Variants in GSG1L observed in about 807,000 individuals in gnomAD.
GSG1L encodes the protein germ cell-specific gene 1-like protein.
A neutral mutation model predicts 42.1 loss-of-function variants in GSG1L; 24 were observed. That is an observed-to-expected ratio of 0.57 (90% CI 0.41 to 0.80). The LOEUF is 0.80. GSG1L is among the 30% of genes least tolerant of loss of function. The pLI, the probability that GSG1L is intolerant of heterozygous loss-of-function variation, is 0.00. For missense variants in GSG1L, 445 were observed against 472.2 expected (o/e 0.94, Z 0.53); for synonymous variants, 215 against 203.5 (o/e 1.06, Z -0.48).
chr16:27,961,085 C>T lies in GSG1L; in HGVS notation c.397+2071G>A, dbSNP rs193187805. On this transcript the variant is annotated intron_variant, in intron 2 of 6. Coordinates refer to ENST00000447459, the MANE Select transcript of GSG1L (RefSeq NM_001109763.2). ...CACGCACTCACATGGGCACACAACC[C>T]GTATGTGCTCACCCTAGAACACACC... Among the ~76,000 whole-genome samples the T allele has an allele frequency of 2.2e-3, 331 of 152,298 alleles. 1 individual carries two copies. The highest frequency in any genetic ancestry group is 0.014 in the Middle Eastern group (4 of 294).
chr16:27,963,799 C>T (rs1034074156), intron 1 of GSG1L, among the ~76,000 whole-genome samples: 28 of 152,084 alleles, frequency 1.8e-4, no homozygotes, highest in African/African-American at 6.3e-4. Context: ...AACATGCTCC[C>T]GCTGTTGTAA....
In GSG1L at chr16:27,803,800, G is replaced by GATATATAGAT. The variant is rs1406574562; in HGVS notation, c.898+3686_898+3687insATCTATATAT. Among the ~76,000 whole-genome samples, 213 of 74,152 alleles carry GATATATAGAT rather than the reference G, an allele frequency of 2.9e-3. 1 individual carries two copies. Among genetic ancestry groups the GATATATAGAT allele is most frequent in the African/African-American group, 0.01 (192 of 19,142 alleles). The allele number at this position is 74,152 out of a possible 152,430, so 48.6% of individuals were successfully genotyped here. A position where few individuals can be genotyped will look rare whatever the true frequency, so the allele number is the denominator to read the frequency against. ...ATATATATATATATATATATAGATA[G>GATATATAGAT]ATAGATATAGATATAGATATAGATA... is the stretch of plus-strand genomic sequence containing the variant. On this transcript the variant is annotated intron_variant, in intron 6 of 6. Coordinates refer to ENST00000447459, the MANE Select transcript of GSG1L (RefSeq NM_001109763.2).
intron 1 of GSG1L, among the ~76,000 whole-genome samples, chr16:28,048,877 A>T (rs962243843): frequency 2.0e-5 from 3 of 152,310 alleles, no homozygotes; most frequent in African/African-American, 4.8e-5. Flanking sequence ...TCAGAAAATT[A>T]AAAAAACAGA....
At chr16:28,053,548 G>A (rs1392715057) in intron 1 of GSG1L, among the ~76,000 whole-genome samples, 1 of 152,188 alleles carries the variant, frequency 6.6e-6, no homozygotes, top group Non-Finnish European at 1.5e-5. Flanking sequence ...CTCCCCCGGG[G>A]CTGAGGCCTC....
intron 2 of GSG1L, among the ~76,000 whole-genome samples, chr16:27,935,335 T>C (rs1420929813): frequency 6.6e-6 from 1 of 151,490 alleles, no homozygotes; most frequent in Non-Finnish European, 1.5e-5. Context: ...AATGGGGGGC[T>C]TCAGAGTCAA....
intron 2 of GSG1L, among the ~76,000 whole-genome samples, chr16:27,923,513 G>A (rs2084551667): frequency 6.6e-6 from 1 of 152,206 alleles, no homozygotes; most frequent in African/African-American, 2.4e-5. Flanking sequence ...GGGAGACTGA[G>A]GCAGGCAGAT....
chr16:28,033,677 T>G (rs903477605), intron 1 of GSG1L, among the ~76,000 whole-genome samples: 1 of 152,078 alleles, frequency 6.6e-6, no homozygotes, highest in African/African-American at 2.4e-5. Context: ...TGTATTAAAC[T>G]GTAAGGAAAC....
intron 1 of GSG1L, among the ~76,000 whole-genome samples, chr16:28,032,263 A>G (rs1333260202): frequency 6.6e-6 from 1 of 152,230 alleles, no homozygotes; most frequent in Non-Finnish European, 1.5e-5. Context: ...AGGTAAAGCC[A>G]CTGAAACAAG....
chr16:27,799,360 T>G (rs2082856962), intron 6 of GSG1L, among the ~76,000 whole-genome samples: 1 of 151,740 alleles, frequency 6.6e-6, no homozygotes, highest in Non-Finnish European at 1.5e-5. Flanking sequence ...ATAGCAAGAC[T>G]CCATCTCTAC....
chr16:27,966,942 C>G (rs1228179158), intron 1 of GSG1L, among the ~76,000 whole-genome samples: 1 of 152,134 alleles, frequency 6.6e-6, no homozygotes, highest in Non-Finnish European at 1.5e-5. Flanking sequence ...CACCTGAAAG[C>G]TCTCTGGTTT....
intron 2 of GSG1L, among the ~76,000 whole-genome samples, chr16:27,953,806 G>A (rs1174434401): frequency 3.3e-5 from 5 of 152,142 alleles, no homozygotes; most frequent in Non-Finnish European, 5.9e-5. Context: ...TGGTACCCAG[G>A]AGGCAGAGGC....
chr16:27,940,793 T>C (rs1362617878), intron 2 of GSG1L, among the ~76,000 whole-genome samples: 12 of 150,800 alleles, frequency 8.0e-5, no homozygotes, highest in Admixed American at 7.3e-4. Flanking sequence ...GCATGGCACA[T>C]GTATGCAGAT....
In GSG1L at chr16:27,828,847, C is replaced by G; in HGVS notation, c.772G>C (p.Gly258Arg). Reference sequence around the variant, plus strand: ...ATGAAGGTCGGCTCTTCCCGGTAGCCCTGCTCAAAGACCTTGCGCTTGTGC... The same window carrying G: ...ATGAAGGTCGGCTCTTCCCGGTAGCGCTGCTCAAAGACCTTGCGCTTGTGC... Reference protein sequence around the residue: ...FRHKRKVFEQGYREEPTFIDP... With the variant: ...FRHKRKVFEQRYREEPTFIDP... Residue 258 changes from glycine (G) to arginine (R), a missense_variant, in exon 5 of 7, where the codon GGC becomes CGC. Transcript: ENST00000447459. The G allele has an allele frequency of 6.2e-7, 1 of 1,614,172 alleles. No homozygotes were observed. The highest frequency in any genetic ancestry group is 1.1e-5 in the South Asian group (1 of 91,074).
At position 28,059,918 on chromosome 16, in the gene GSG1L, T is replaced by TG. The variant is rs571940224; in HGVS notation, c.349+3157dup. Among the ~76,000 whole-genome samples the TG allele has an allele frequency of 9.2e-4, 140 of 152,188 alleles. 1 individual carries two copies. The highest frequency in any genetic ancestry group is 3.1e-3 in the African/African-American group (128 of 41,534). ...TTGTGAACACTGTAGATTTTTAGTG[T>TG]GGGAAAAAGGGCTTATTACATTTCC... On this transcript the variant is annotated intron_variant, in intron 1 of 6. Coordinates refer to ENST00000447459, the MANE Select transcript of GSG1L (RefSeq NM_001109763.2). The surrounding 1 kb of genome is among the most constrained non-coding windows in gnomAD (Gnocchi z 4.4).
chr16:28,043,877 C>G (rs1387716300), intron 1 of GSG1L, among the ~76,000 whole-genome samples: 1 of 151,936 alleles, frequency 6.6e-6, no homozygotes, highest in Non-Finnish European at 1.5e-5. Context: ...CATAAATTAG[C>G]AGGGCATGGT....
At chr16:28,058,633 A>AAC (rs1555517683) in intron 1 of GSG1L, among the ~76,000 whole-genome samples, 3 of 146,012 alleles carry the variant, frequency 2.1e-5, no homozygotes, top group African/African-American at 7.7e-5. Context: ...AAAAAAAAAA[A>AAC]AAACAAACAA....
In GSG1L at chr16:28,063,038, A is replaced by G; in HGVS notation, c.349+38T>C. 7.3e-7 allele frequency: 1 copy of G among 1,365,532 alleles called. No individual in the cohort carries two copies. Among genetic ancestry groups the G allele is most frequent in the Non-Finnish European group, 9.5e-7 (1 of 1,055,064 alleles). The allele number at this position is 1,365,532 out of a possible 1,614,324, so 84.6% of individuals were successfully genotyped here. On this transcript the variant is annotated intron_variant, in intron 1 of 6. Coordinates refer to ENST00000447459, the MANE Select transcript of GSG1L (RefSeq NM_001109763.2). This position sits in a 1 kb window ranked among gnomAD's most constrained non-coding sequence, Gnocchi z 5.8. ...CTCGATGGCCGCGCCGCCCCGGGGG[A>G]GCCGGAGCCGAGCTGGCCGCCGCCC...
At chr16:27,895,442 G>A (rs190753338) in intron 2 of GSG1L, among the ~76,000 whole-genome samples, 28 of 152,178 alleles carry the variant, frequency 1.8e-4, no homozygotes, top group East Asian at 3.9e-4. Context: ...TTCTATCTCC[G>A]ATACTGCAGC....
intron 1 of GSG1L, among the ~76,000 whole-genome samples, chr16:28,013,219 CAA>C (rs34795413): frequency 7.0e-6 from 1 of 142,022 alleles, no homozygotes; most frequent in Non-Finnish European, 1.5e-5. Context: ...AACTCTGACT[CAA>C]AAAAAAAAAA....
Sources: allele counts gnomAD v4.1 joint callset (sites outside exome capture counted in the v4.1 genomes callset), GRCh38; gene constraint gnomAD v4.1.1; non-coding constraint Gnocchi (gnomAD v3.1); transcripts MANE v1.5; gene names NCBI Gene and HGNC (gene_info 2026-07-23, HGNC 2026-07-21).